PRDM2: variants seen among roughly 807,000 people sequenced by gnomAD.
PRDM2 encodes the protein PR domain zinc finger protein 2.
Under a neutral mutation model 130.0 loss-of-function variants are expected in PRDM2, and 30 were observed. That is an observed-to-expected ratio of 0.23 (90% CI 0.17 to 0.31). PRDM2 has a LOEUF of 0.31. PRDM2 is among the 10% of genes least tolerant of loss of function. The pLI is 1.00. For synonymous variants in PRDM2, 871 were observed against 782.4 expected (o/e 1.11, Z -1.89); for missense variants, 2,011 against 2,108.4 (o/e 0.95, Z 0.90).
chr1:13,725,472 T>G (rs755246702), intron 2 of PRDM2, among the ~76,000 whole-genome samples: 3 of 152,214 alleles, frequency 2.0e-5, no homozygotes, highest in Non-Finnish European at 4.4e-5. Flanking sequence ...CCCAAAGTGC[T>G]GGGATTACAG....
intron 1 of PRDM2, among the ~76,000 whole-genome samples, chr1:13,710,808 C>T (rs756632158): frequency 3.3e-5 from 5 of 152,032 alleles, no homozygotes; most frequent in African/African-American, 7.3e-5. Flanking sequence ...AGCATTTGGC[C>T]GGGCGCGGTG....
At position 13,779,087 on chromosome 1, in the gene PRDM2, C is replaced by G; in HGVS notation, c.1292C>G (p.Ala431Gly). 1 of 1,614,210 alleles carries G rather than the reference C, an allele frequency of 6.2e-7. No homozygotes were observed. The highest frequency in any genetic ancestry group is 8.5e-7 in the Non-Finnish European group (1 of 1,180,050). Residue 431 changes from alanine to glycine, a missense_variant, in exon 8 of 10, where the codon GCT becomes GGT. Ala to Gly is a moderately conservative substitution (Grantham distance 60). This residue lies in a region of PRDM2 where 1,288 missense variants were observed against 1,237.7 expected (regional missense o/e 1.04). Transcript: ENST00000311066. This position sits in a 1 kb window ranked among gnomAD's most constrained non-coding sequence, Gnocchi z 4.9. ...SQTLQPSEDL[A>G]DGKASGENVA... ...ACACTACAGCCGTCAGAGGATCTGG[C>G]TGATGGCAAAGCATCTGGAGAAAAC...
intron 8 of PRDM2, chr1:13,783,075 T>C (rs1046030973): frequency 1.9e-5 from 17 of 908,606 alleles, no homozygotes; most frequent in Non-Finnish European, 1.9e-5. Context: ...CAGATGTAAA[T>C]TGAATTTAAA....
chr1:13,719,390 A>G (rs538716770), intron 2 of PRDM2, among the ~76,000 whole-genome samples: 5 of 152,300 alleles, frequency 3.3e-5, no homozygotes, highest in African/African-American at 1.2e-4. Context: ...GGGCTCTGGG[A>G]TAAGAGGACA....
chr1:13,763,686 A>T (rs867157146), intron 6 of PRDM2, among the ~76,000 whole-genome samples: 2 of 152,230 alleles, frequency 1.3e-5, no homozygotes, highest in Non-Finnish European at 2.9e-5. Flanking sequence ...ATTTTCAATT[A>T]TCTCATTGTT....
At chr1:13,753,009 G>A (rs1643876620) in intron 6 of PRDM2, among the ~76,000 whole-genome samples, 1 of 152,176 alleles carries the variant, frequency 6.6e-6, no homozygotes, top group Non-Finnish European at 1.5e-5. Context: ...CCTGCTACTT[G>A]CGGAGGAACT....
intron 1 of PRDM2, among the ~76,000 whole-genome samples, chr1:13,711,462 G>A (rs972426531): frequency 2.0e-5 from 3 of 152,294 alleles, no homozygotes; most frequent in East Asian, 1.9e-4. Flanking sequence ...ATGTGTGTAC[G>A]TATTTTCGAT....
intron 8 of PRDM2, chr1:13,783,049 ACTT>A (rs1250314730): frequency 9.0e-7 from 1 of 1,108,826 alleles, no homozygotes; most frequent in Non-Finnish European, 1.3e-6. Flanking sequence ...AAGCAGTGCC[ACTT>A]CTTTAATGTG....
chr1:13,722,551 G>A (rs891388418), intron 2 of PRDM2, among the ~76,000 whole-genome samples: 1 of 152,084 alleles, frequency 6.6e-6, no homozygotes, highest in Non-Finnish European at 1.5e-5. Flanking sequence ...AACCCCATCT[G>A]AGATGAAAGG....
At chr1:13,817,451 T>C (rs994402696) in intron 9 of PRDM2, among the ~76,000 whole-genome samples, 2 of 152,180 alleles carry the variant, frequency 1.3e-5, no homozygotes, top group East Asian at 3.9e-4. Flanking sequence ...GACTTTTCAT[T>C]TTTGGAGTAC....
intron 8 of PRDM2, among the ~76,000 whole-genome samples, chr1:13,791,521 G>C (rs2100706281): frequency 6.6e-6 from 1 of 152,240 alleles, no homozygotes; most frequent in African/African-American, 2.4e-5. Flanking sequence ...TGAGCTGCTG[G>C]GCATTAACCC....
At chr1:13,808,355 G>T (rs1486473160) in intron 8 of PRDM2, among the ~76,000 whole-genome samples, 1 of 151,874 alleles carries the variant, frequency 6.6e-6, no homozygotes, top group South Asian at 2.1e-4. Context: ...GCCGGGCGTG[G>T]TGGCGGGCTG....
chr1:13,719,148 G>A (rs1642644052), intron 2 of PRDM2, among the ~76,000 whole-genome samples: 1 of 152,210 alleles, frequency 6.6e-6, no homozygotes, highest in Non-Finnish European at 1.5e-5. Context: ...ATGGGTAGAG[G>A]TGAAAGAAGG....
intron 6 of PRDM2, among the ~76,000 whole-genome samples, chr1:13,762,435 G>A (rs1644121754): frequency 6.6e-6 from 1 of 152,186 alleles, no homozygotes; most frequent in Admixed American, 6.5e-5. Flanking sequence ...CTCTTTGCAG[G>A]GAGCACGAGT....
intron 5 of PRDM2, 42 bp from the exon 6 acceptor site, chr1:13,749,319 C>T (rs1022783875): frequency 7.1e-7 from 1 of 1,413,908 alleles, no homozygotes; most frequent in Admixed American, 2.1e-5. Flanking sequence ...CCAACAACCG[C>T]CGCTCTGATT....
chr1:13,722,173 TC>T (rs1642750719), intron 2 of PRDM2, among the ~76,000 whole-genome samples: 1 of 152,160 alleles, frequency 6.6e-6, no homozygotes. Context: ...AACGTTTTCC[TC>T]CCTATGGGAC....
At chr1:13,715,118 C>T (rs1569700504) in intron 1 of PRDM2, among the ~76,000 whole-genome samples, 1 of 152,130 alleles carries the variant, frequency 6.6e-6, no homozygotes, top group South Asian at 2.1e-4. Flanking sequence ...AATTCAGGAA[C>T]TTGAAAAACA....
rs567355256 is a variant in PRDM2, at chr1:13,724,084, G to A, written c.10-6916G>A. Among the ~76,000 whole-genome samples the A allele has an allele frequency of 5.3e-5, 8 of 152,334 alleles. No individual in the cohort carries two copies. The East Asian group carries it at 1.4e-3, about 26-fold the overall frequency. ...GGGGACTAGCTTCTAGGAGGCTAAA[G>A]TGTTCTCTGGGTAGAGCCCAGGCCT... On this transcript the variant is annotated intron_variant, in intron 2 of 9. Transcript: ENST00000311066.
chr1:13,775,998 G>A (rs1434010362), intron 7 of PRDM2, among the ~76,000 whole-genome samples: 1 of 152,104 alleles, frequency 6.6e-6, no homozygotes, highest in African/African-American at 2.4e-5. Context: ...ACTCTTTTCT[G>A]CTTGCTTTTC....
Sources: allele counts gnomAD v4.1 joint callset (sites outside exome capture counted in the v4.1 genomes callset), GRCh38; gene constraint gnomAD v4.1.1; regional missense constraint gnomAD v4.1.1; non-coding constraint Gnocchi (gnomAD v3.1); transcripts MANE v1.5; gene names NCBI Gene and HGNC (gene_info 2026-07-23, HGNC 2026-07-21).